The following ZKSCAN1 variants were observed in gnomAD, a reference collection of about 807,000 sequenced individuals.
ZKSCAN1 encodes the protein zinc finger with KRAB and SCAN domains 1.
In ZKSCAN1, 14 loss-of-function variants were observed where a neutral mutation model predicts 51.6. That is an observed-to-expected ratio of 0.27 (90% CI 0.18 to 0.42). The LOEUF is 0.42. Among genes scored for constraint, ZKSCAN1 ranks in the 10% least tolerant of loss-of-function variants. The pLI, the probability that ZKSCAN1 is intolerant of heterozygous loss-of-function variation, is 1.00. For synonymous variants in ZKSCAN1, 263 were observed against 261.5 expected, an observed-to-expected ratio of 1.01 and a Z score of -0.06; for missense variants, 531 against 710.0, an observed-to-expected ratio of 0.75 and a Z score of 2.86.
At chr7:100,042,975 A>G (rs1478217170), downstream of ZKSCAN1, among the ~76,000 whole-genome samples, 2 of 150,964 alleles carry the variant, frequency 1.3e-5, no homozygotes, top group Non-Finnish European at 1.5e-5. Context: ...CTTTTTTTGT[A>G]TGTTTTAGTA....
At chr7:100,043,644 GGATTATATTCAT>G (rs1165251931), downstream of ZKSCAN1, among the ~76,000 whole-genome samples, 3 of 151,820 alleles carry the variant, frequency 2.0e-5, no homozygotes. Flanking sequence ...CGAAGTGCTG[GGATTATATTCAT>G]GAGCCACCAT....
At position 100,037,988 on chromosome 7, in the gene ZKSCAN1, T is replaced by C. The variant is rs1012957610; in HGVS notation, c.*3791T>C. 1 of 980,912 alleles carries C rather than the reference T, an allele frequency of 1.0e-6. No homozygotes were observed. The highest frequency in any genetic ancestry group is 6.2e-5 in the Admixed American group (1 of 16,224). 60.8% of individuals were successfully genotyped at this position (980,912 alleles called of 1,614,324 possible). A position where few individuals can be genotyped will look rare whatever the true frequency, so the allele number is the denominator to read the frequency against. On this transcript the variant is annotated 3_prime_UTR_variant, in exon 6 of 6. Coordinates refer to ENST00000324306, the MANE Select transcript of ZKSCAN1 (RefSeq NM_003439.4). ...TGAGCTAAGATCATGCCACTGGCAC[T>C]CCAGCCTTGAGTGACAGAGCGAGGC...
chr7:100,026,690 A>C (rs1307946592), intron 3 of ZKSCAN1, among the ~76,000 whole-genome samples: 1 of 151,942 alleles, frequency 6.6e-6, no homozygotes, highest in African/African-American at 2.4e-5. Flanking sequence ...GCACCACTGC[A>C]CTCCAGCCTG....
chr7:100,019,528 G>A (rs756191744), intron 1 of ZKSCAN1, among the ~76,000 whole-genome samples: 21 of 151,748 alleles, frequency 1.4e-4, no homozygotes, highest in African/African-American at 2.7e-4. Context: ...TCATTGTCAC[G>A]TTCATAGGCC....
chr7:100,021,422 C>G (rs1790583335), intron 1 of ZKSCAN1, among the ~76,000 whole-genome samples: 2 of 152,242 alleles, frequency 1.3e-5, no homozygotes, highest in South Asian at 2.1e-4. Flanking sequence ...GCCACCTCAC[C>G]CAGCCCCAAG....
In ZKSCAN1 at chr7:100,023,249, G is replaced by A. The variant is rs183034194; in HGVS notation, c.-88-170G>A. 5.2e-3 allele frequency among the ~76,000 whole-genome samples: 786 copies of A among 152,254 alleles called. 6 individuals carry two copies. The highest frequency in any genetic ancestry group is 0.018 in the African/African-American group (767 of 41,550). On this transcript the variant is annotated intron_variant, in intron 1 of 5. Transcript: ENST00000324306. The stretch of plus-strand genomic sequence containing the variant: ...TGGTCTTGAACTCCTGACCGCAGGC[G>A]ATTGGCCTGCCTCGGCCTCCCAAAG...
chr7:100,034,137 C>A lies in ZKSCAN1; in HGVS notation c.1632C>A (p.Ala544=). The A allele has an allele frequency of 6.3e-7, 1 of 1,584,346 alleles. No individual in the cohort carries two copies. The highest frequency in any genetic ancestry group is 1.1e-5 in the South Asian group (1 of 87,138). ...ACAGAATCCATGCCAGAGAGAGAGCCTCTGAGTACAGCCCAGCCTCCCTTG... is the reference window on the plus strand; with the variant it reads ...ACAGAATCCATGCCAGAGAGAGAGCATCTGAGTACAGCCCAGCCTCCCTTG... ...LHHRIHARER[A]SEYSPASLDA... is the part of the protein sequence containing the mutation. Residue 544 remains alanine, a synonymous_variant, in exon 6 of 6, where the codon GCC becomes GCA. Transcript: ENST00000324306.
downstream of ZKSCAN1, among the ~76,000 whole-genome samples, chr7:100,043,443 G>A (rs1263814645): frequency 1.3e-5 from 2 of 152,020 alleles, no homozygotes; most frequent in East Asian, 1.9e-4. Flanking sequence ...GCAGTGGCAC[G>A]ATTGTGGCTC....
chr7:100,031,346 C>T (rs1035907967), intron 5 of ZKSCAN1, among the ~76,000 whole-genome samples: 3 of 142,888 alleles, frequency 2.1e-5, no homozygotes, highest in African/African-American at 5.2e-5. Context: ...GCTGCGATCA[C>T]AGCTCACTGC....
At chr7:100,022,228 T>A (rs1006524306) in intron 1 of ZKSCAN1, among the ~76,000 whole-genome samples, 5 of 152,226 alleles carry the variant, frequency 3.3e-5, no homozygotes, top group Non-Finnish European at 7.3e-5. Context: ...CTAATTTTTC[T>A]ATTTTTAGTA....
At position 100,015,623 on chromosome 7, in the gene ZKSCAN1, T is replaced by G. The variant is rs1450121580; in HGVS notation, c.-192T>G. ...GACTCATTGTGTCTGTGTCGAGGCG[T>G]CGGGAGGGCCTAAGTCCGTGTGCGG... On this transcript the variant is annotated 5_prime_UTR_variant, in exon 1 of 6. Coordinates refer to ENST00000324306, the MANE Select transcript of ZKSCAN1 (RefSeq NM_003439.4). 1.3e-5 allele frequency: 2 copies of G among 152,226 alleles called. No homozygotes were observed. The highest frequency in any genetic ancestry group is 2.4e-5 in the African/African-American group (1 of 41,434). The allele number at this position is 152,226 out of a possible 1,614,324, so 9.4% of individuals were successfully genotyped here. A position where few individuals can be genotyped will look rare whatever the true frequency, so the allele number is the denominator to read the frequency against.
intron 3 of ZKSCAN1, among the ~76,000 whole-genome samples, chr7:100,025,198 A>G (rs1790772361): frequency 6.6e-6 from 1 of 151,746 alleles, no homozygotes; most frequent in South Asian, 2.1e-4. Context: ...GTTTTAAAAC[A>G]TTTTAGTATG....
rs1439010608 is a variant in ZKSCAN1, at chr7:100,041,301, T to G, written c.*7104T>G. On this transcript the variant is annotated 3_prime_UTR_variant, in exon 6 of 6. Coordinates refer to ENST00000324306, the MANE Select transcript of ZKSCAN1 (RefSeq NM_003439.4). Reference sequence around the variant, plus strand: ...ACTAGGTTCCGAAGAGTCCAGATGCTTGGTAGATGTTCAATACGTGATTTT... The same window carrying G: ...ACTAGGTTCCGAAGAGTCCAGATGCGTGGTAGATGTTCAATACGTGATTTT... 11 of 984,984 alleles carry G rather than the reference T, an allele frequency of 1.1e-5. No individual in the cohort carries two copies. The highest frequency in any genetic ancestry group is 1.3e-5 in the Non-Finnish European group (11 of 829,618). 61.0% of individuals were successfully genotyped at this position (984,984 alleles called of 1,614,324 possible).
In ZKSCAN1 at chr7:100,034,626, T is replaced by C; in HGVS notation, c.*429T>C. The stretch of plus-strand genomic sequence containing the variant: ...AGCCCTACTTTGGCCAACATCCTGC[T>C]TATTTCTCAAAAAAGAGGGACAGTG... On this transcript the variant is annotated 3_prime_UTR_variant, in exon 6 of 6. Coordinates refer to ENST00000324306, the MANE Select transcript of ZKSCAN1 (RefSeq NM_003439.4). 18 of 941,724 alleles carry C rather than the reference T, an allele frequency of 1.9e-5. No individual in the cohort carries two copies. The highest frequency in any genetic ancestry group is 2.3e-5 in the Non-Finnish European group (18 of 787,798). The allele number at this position is 941,724 out of a possible 1,614,324, so 58.3% of individuals were successfully genotyped here.
At position 100,036,946 on chromosome 7, in the gene ZKSCAN1, T is replaced by C. The variant is rs1791389889; in HGVS notation, c.*2749T>C. 3 of 985,208 alleles carry C rather than the reference T, an allele frequency of 3.0e-6. No individual in the cohort carries two copies. The highest frequency in any genetic ancestry group is 9.4e-5 in the South Asian group (2 of 21,278). The allele number at this position is 985,208 out of a possible 1,614,324, so 61.0% of individuals were successfully genotyped here. ...ACCTGTGCCCTCACATTTAATTCCG[T>C]TTCATGGAGACATCTTCCTGACTTT... On this transcript the variant is annotated 3_prime_UTR_variant, in exon 6 of 6. Transcript: ENST00000324306.
At chr7:100,021,287 A>AT (rs1223117892) in intron 1 of ZKSCAN1, among the ~76,000 whole-genome samples, 8 of 151,270 alleles carry the variant, frequency 5.3e-5, no homozygotes, top group African/African-American at 1.9e-4. Context: ...TGCCCAGCTA[A>AT]TTTTTTGTAT....
At chr7:100,029,235 A>G (rs1790991066) in intron 3 of ZKSCAN1, among the ~76,000 whole-genome samples, 1 of 149,292 alleles carries the variant, frequency 6.7e-6, no homozygotes, top group Non-Finnish European at 1.5e-5. Flanking sequence ...GCCTTTCTGG[A>G]TATTGCTACT....
At chr7:100,018,439 CTG>C (rs928720168) in intron 1 of ZKSCAN1, among the ~76,000 whole-genome samples, 2 of 150,886 alleles carry the variant, frequency 1.3e-5, no homozygotes, top group African/African-American at 4.9e-5. Flanking sequence ...GAGTCTCGCT[CTG>C]TCACCCAGGC....
In ZKSCAN1 at chr7:100,038,890, G is replaced by C. The variant is rs1791474967; in HGVS notation, c.*4693G>C. 2 of 238,414 alleles carry C rather than the reference G, an allele frequency of 8.4e-6. No homozygotes were observed. The highest frequency in any genetic ancestry group is 2.3e-5 in the African/African-American group (1 of 42,860). 14.8% of individuals were successfully genotyped at this position (238,414 alleles called of 1,614,324 possible). ...GGCGCCTGTAGTCCCAGCTACTCAG[G>C]AGGCTGAGGCAGGAGGATCACTTGA... On this transcript the variant is annotated 3_prime_UTR_variant, in exon 6 of 6. Transcript: ENST00000324306.
Sources: allele counts gnomAD v4.1 joint callset (sites outside exome capture counted in the v4.1 genomes callset), GRCh38; gene constraint gnomAD v4.1.1; transcripts MANE v1.5; gene names NCBI Gene and HGNC (gene_info 2026-07-23, HGNC 2026-07-21).